Variants in PLCD1 observed in about 807,000 individuals in gnomAD.
PLCD1 encodes phospholipase C delta 1.
Under a neutral mutation model 87.4 loss-of-function variants are expected in PLCD1, and 71 were observed. The observed-to-expected ratio is 0.81, with a 90% CI of 0.67 to 0.99. The LOEUF (loss-of-function observed/expected upper bound fraction) is 0.99. Among genes scored for constraint, PLCD1 ranks in the 50% least tolerant of loss-of-function variants. PLCD1 has a pLI of 0.00. For synonymous variants in PLCD1, 348 were observed against 399.2 expected, an observed-to-expected ratio of 0.87 and a Z score of 1.53; for missense variants, 867 against 1,001.5, an observed-to-expected ratio of 0.87 and a Z score of 1.81.
At chr3:38,021,488 C>T (rs1229692748) in intron 1 of PLCD1, among the ~76,000 whole-genome samples, 1 of 152,148 alleles carries the variant, frequency 6.6e-6, no homozygotes, top group African/African-American at 2.4e-5. Flanking sequence ...CAGGAGGCAC[C>T]AAAAGGACGC....
At chr3:38,027,191 C>G (rs951554167) in intron 1 of PLCD1, among the ~76,000 whole-genome samples, 1 of 152,162 alleles carries the variant, frequency 6.6e-6, no homozygotes, top group African/African-American at 2.4e-5. Context: ...CTGGCTCGCT[C>G]TTGAATCTAG....
intron 3 of PLCD1, among the ~76,000 whole-genome samples, chr3:38,013,001 C>T (rs1368393866): frequency 6.6e-6 from 1 of 151,860 alleles, no homozygotes; most frequent in Non-Finnish European, 1.5e-5. Context: ...ACAATCTTCC[C>T]ACCTCAGTCT....
chr3:38,007,503 T>G lies in PLCD1; in HGVS notation c.*270A>C. 1.6e-6 allele frequency: 1 copy of G among 632,158 alleles called. No homozygotes were observed. The highest frequency in any genetic ancestry group is 2.9e-6 in the Non-Finnish European group (1 of 342,318). The allele number at this position is 632,158 out of a possible 1,614,324, so 39.2% of individuals were successfully genotyped here. A position where few individuals can be genotyped will look rare whatever the true frequency, so the allele number is the denominator to read the frequency against. On this transcript the variant is annotated 3_prime_UTR_variant, in exon 15 of 15. Coordinates refer to ENST00000334661, the MANE Select transcript of PLCD1 (RefSeq NM_006225.4). ...GTAAAGAGACCACAAGGCTTAATCT[T>G]ATCGTGATTTTTATAAAAATCCTTG...
At chr3:38,009,214 C>T (rs943269168) in intron 10 of PLCD1, 56 bp from the exon 11 acceptor site, 2 of 1,613,084 alleles carry the variant, frequency 1.2e-6, no homozygotes, top group Non-Finnish European at 1.7e-6. Context: ...GGCCCAAGCC[C>T]TGCCCTGCCA....
intron 3 of PLCD1, among the ~76,000 whole-genome samples, 182 bp from the exon 4 acceptor site, chr3:38,011,855 C>T (rs1289139955): frequency 6.6e-6 from 1 of 151,190 alleles, no homozygotes; most frequent in Non-Finnish European, 1.5e-5. Context: ...TTTCTATTTG[C>T]TGGTTTTCAA....
rs763454371 is a variant in PLCD1, at chr3:38,011,329, C to T, written c.675G>A (p.Gly225=). ...DRTFAEAAGS[G]ETLSVDQLVT... ...CTAACTGATCCACCGACAGAGTCTC[C>T]CCTGAGCCCGCGGCCTCGGCGAAGG... is the stretch of plus-strand genomic sequence containing the variant. The change falls in exon 5 of 15, where the codon GGG becomes GGA. Residue 225 remains glycine, a synonymous_variant. Transcript: ENST00000334661. 4.3e-6 allele frequency: 7 copies of T among 1,612,432 alleles called. No individual in the cohort carries two copies. In the South Asian group the frequency reaches 6.6e-5, roughly 15 times the overall value.
At position 38,010,141 on chromosome 3, in the gene PLCD1, T is replaced by C; in HGVS notation, c.1127A>G (p.Tyr376Cys). The C allele has an allele frequency of 6.2e-7, 1 of 1,614,230 alleles. No homozygotes were observed. The highest frequency in any genetic ancestry group is 8.5e-7 in the Non-Finnish European group (1 of 1,180,028). The change falls in exon 7 of 15, where the codon TAT becomes TGT. Residue 376 changes from tyrosine to cysteine, a missense_variant. Tyr to Cys is a radical substitution (Grantham distance 194, BLOSUM62 -2). Transcript: ENST00000334661. ...CAGGGGCACTCCCACCTTGAAGGCA[T>C]AGTCCCGGATGGCCCTGAGCACATC... ...FCDVLRAIRD[Y>C]AFKASPYPVI...
chr3:38,028,104 C>G (rs1214325428), intron 1 of PLCD1, among the ~76,000 whole-genome samples: 1 of 152,218 alleles, frequency 6.6e-6, no homozygotes, highest in Non-Finnish European at 1.5e-5. Flanking sequence ...AAGGCACAGA[C>G]ACTGAGGATG....
intron 3 of PLCD1, among the ~76,000 whole-genome samples, chr3:38,013,591 T>C (rs1025845469): frequency 1.3e-5 from 2 of 152,244 alleles, no homozygotes; most frequent in African/African-American, 4.8e-5. Flanking sequence ...CTGTGTAACA[T>C]TATATCATAA....
chr3:38,008,865 A>G, intron 11 of PLCD1, 177 bp downstream of exon 11: 1 of 662,040 alleles, frequency 1.5e-6, no homozygotes, highest in East Asian at 2.7e-5. Context: ...GGTTTCAGAC[A>G]CTGTGACATG....
chr3:38,027,149 CT>C (rs1175125191), intron 1 of PLCD1, among the ~76,000 whole-genome samples: 1 of 152,202 alleles, frequency 6.6e-6, no homozygotes, highest in Non-Finnish European at 1.5e-5. Flanking sequence ...TCGCATCAGT[CT>C]GAGGGCTTCA....
chr3:38,016,735 G>A lies in PLCD1; in HGVS notation c.200-16C>T, dbSNP rs1488917461. On this transcript the variant is annotated splice_polypyrimidine_tract_variant and intron_variant, in intron 2 of 14. Coordinates refer to ENST00000334661, the MANE Select transcript of PLCD1 (RefSeq NM_006225.4). ...TCGATGGAGACTGCGAGAGGGGGATGGTGGAGGAGAGAGGGAGAGAATGCT... is the reference window on the plus strand; with the variant it reads ...TCGATGGAGACTGCGAGAGGGGGATAGTGGAGGAGAGAGGGAGAGAATGCT... 2.0e-6 allele frequency: 3 copies of A among 1,514,778 alleles called. No homozygotes were observed. The highest frequency in any genetic ancestry group is 1.4e-5 in the African/African-American group (1 of 72,402). 93.8% of individuals were successfully genotyped at this position (1,514,778 alleles called of 1,614,324 possible). A position where few individuals can be genotyped will look rare whatever the true frequency, so the allele number is the denominator to read the frequency against.
At chr3:38,024,508 C>A in intron 1 of PLCD1, 1 of 1,543,500 alleles carries the variant, frequency 6.5e-7, no homozygotes, top group Non-Finnish European at 8.7e-7. Context: ...ATGCTCACAA[C>A]ACCCTCTGCT....
chr3:38,013,149 C>CAA (rs1201937474), intron 3 of PLCD1, among the ~76,000 whole-genome samples: 3 of 151,862 alleles, frequency 2.0e-5, no homozygotes, highest in African/African-American at 4.8e-5. Flanking sequence ...CTCAGCCTCC[C>CAA]AAAGTGCTAG....
At chr3:38,012,065 T>C (rs1190884730) in intron 3 of PLCD1, among the ~76,000 whole-genome samples, 1 of 148,306 alleles carries the variant, frequency 6.7e-6, no homozygotes, top group Admixed American at 6.7e-5. Context: ...TCTCACTCTG[T>C]CGCCCAGATT....
intron 3 of PLCD1, among the ~76,000 whole-genome samples, chr3:38,014,000 A>C (rs1418386873): frequency 6.6e-6 from 1 of 152,274 alleles, no homozygotes; most frequent in African/African-American, 2.4e-5. Flanking sequence ...AAAGTGAATA[A>C]AATGCTTTTA....
In PLCD1 at chr3:38,024,570, C is replaced by T. The variant is rs185492441; in HGVS notation, c.35-4218G>A. On this transcript the variant is annotated intron_variant, in intron 1 of 14. Coordinates refer to ENST00000334661, the MANE Select transcript of PLCD1 (RefSeq NM_006225.4). ...CTTGGAGGGGAGCAGGGGCGGAGTC[C>T]AGGAATGGGAGGGAGGAGCTAGAGT... 387 of 1,507,890 alleles carry T rather than the reference C, an allele frequency of 2.6e-4. 2 individuals are homozygous for T. In the East Asian group the frequency reaches 9.4e-3, roughly 37 times the overall value. 93.4% of individuals were successfully genotyped at this position (1,507,890 alleles called of 1,614,324 possible).
In PLCD1 at chr3:38,017,074, C is replaced by A. The variant is rs1299600965; in HGVS notation, c.200-355G>T. 1.3e-5 allele frequency among the ~76,000 whole-genome samples: 2 copies of A among 151,906 alleles called. No homozygotes were observed. The highest frequency in any genetic ancestry group is 1.3e-4 in the Admixed American group (2 of 15,268). ...TCTCTCGGTGATGGGGGGTGCAGGG[C>A]CCCAGGGAGAGGACTGGAGCAGGGC... On this transcript the variant is annotated intron_variant, in intron 2 of 14. Coordinates refer to ENST00000334661, the MANE Select transcript of PLCD1 (RefSeq NM_006225.4). The surrounding 1 kb of genome is among the most constrained non-coding windows in gnomAD (Gnocchi z 4.7).
rs56385717 is a variant in PLCD1, at chr3:38,026,240, C to T, written c.34+3266G>A. Among the ~76,000 whole-genome samples the T allele has an allele frequency of 5.4e-3, 820 of 152,256 alleles. 2 individuals carry two copies. The highest frequency in any genetic ancestry group is 0.018 in the African/African-American group (767 of 41,536). On this transcript the variant is annotated intron_variant, in intron 1 of 14. Transcript: ENST00000334661. ...CTGTATTTAAAAACATGATCCTGGC[C>T]GGGCGCAGTGGCTCACACCTGTAAT...
Sources: gnomAD v4.1 joint callset for allele counts (sites outside exome capture counted in the v4.1 genomes callset) on GRCh38, gnomAD v4.1.1 for gene constraint, Gnocchi (gnomAD v3.1) non-coding constraint, MANE v1.5 for transcripts, NCBI Gene and HGNC (gene_info 2026-07-23, HGNC 2026-07-21) for gene names.